The following GEMIN5 variants were observed in gnomAD, a reference collection of about 807,000 sequenced individuals.
GEMIN5 encodes the protein gem-associated protein 5.
A neutral mutation model predicts 176.9 loss-of-function variants in GEMIN5; 124 were observed. That is an observed-to-expected ratio of 0.70 (90% CI 0.61 to 0.81). The LOEUF (loss-of-function observed/expected upper bound fraction) is 0.81, where lower values mean the gene tolerates loss of function less well. GEMIN5 is among the 40% of genes least tolerant of loss of function. The pLI is 0.00. For missense variants in GEMIN5, 1,843 were observed against 1,814.6 expected, an observed-to-expected ratio of 1.02 and a Z score of -0.28; for synonymous variants, 673 against 665.2, an observed-to-expected ratio of 1.01 and a Z score of -0.18.
Position 154,935,980 on chromosome 5 carries a change from A to G in GEMIN5, c.370T>C (p.Leu124=). 6.2e-7 allele frequency: 1 copy of G among 1,612,328 alleles called. No individual in the cohort carries two copies. Among genetic ancestry groups the G allele is most frequent in the Non-Finnish European group, 8.5e-7 (1 of 1,178,702 alleles). Residue 124 remains leucine (L), a synonymous_variant, in exon 3 of 28, where the codon TTA becomes CTA. Transcript: ENST00000285873. ...CCTTTTTCATCCCCAGATACTATTA[A>G]GTCCTTTACTCGAGGAGACCAATGT... ...TLHWSPRVKD[L]IVSGDEKGVV...
intron 1 of GEMIN5, among the ~76,000 whole-genome samples, 197 bp downstream of exon 1, chr5:154,937,771 C>G (rs912733766): frequency 6.6e-6 from 1 of 152,356 alleles, no homozygotes; most frequent in South Asian, 2.1e-4. Flanking sequence ...CTCCAGGAGG[C>G]GGGACCGCTC....
rs1764288568 is a variant in GEMIN5 at position 154,937,236 on chromosome 5, T to C, written c.167-51A>G. On this transcript the variant is annotated intron_variant, in intron 1 of 27. Coordinates refer to ENST00000285873, the MANE Select transcript of GEMIN5 (RefSeq NM_015465.5). ...TAATCGAAGTGCTATCCAAGGTTCC[T>C]GGCAGAATCATACTGTTGTTGGATG... 8 of 1,471,406 alleles carry C rather than the reference T, an allele frequency of 5.4e-6. No individual in the cohort carries two copies. In the East Asian group the frequency reaches 1.4e-4, roughly 26 times the overall value. 91.1% of individuals were successfully genotyped at this position (1,471,406 alleles called of 1,614,324 possible). A position where few individuals can be genotyped will look rare whatever the true frequency, so the allele number is the denominator to read the frequency against.
rs1764286651 is a variant in GEMIN5, at chr5:154,937,161, G to C, written c.191C>G (p.Thr64Ser). The C allele has an allele frequency of 2.5e-6, 4 of 1,612,758 alleles. No individual in the cohort carries two copies. Among genetic ancestry groups the C allele is most frequent in the Admixed American group, 1.7e-5 (1 of 59,854 alleles). Residue 64 changes from threonine to serine, a missense_variant, in exon 2 of 28, where the codon ACC (threonine) becomes AGC (serine). Coordinates refer to ENST00000285873, the MANE Select transcript of GEMIN5 (RefSeq NM_015465.5). ...AAATGTGAAGCCAGAGACCCTTTCGGTGTGTCCCACCAACTCTCCTATGAC... is the reference window on the plus strand; with the variant it reads ...AAATGTGAAGCCAGAGACCCTTTCGCTGTGTCCCACCAACTCTCCTATGAC... ...FRVIGELVGH[T>S]ERVSGFTFSH...
rs1246377911 is a variant in GEMIN5 at position 154,891,135 on chromosome 5, TCCTCCTGCTTCAG to T, written c.4262+93_4262+105del. 57 of 944,896 alleles carry T rather than the reference TCCTCCTGCTTCAG, an allele frequency of 6.0e-5. No homozygotes were observed. The East Asian group carries it at 1.6e-3, about 27-fold the overall frequency. The allele number at this position is 944,896 out of a possible 1,614,324, so 58.5% of individuals were successfully genotyped here. On this transcript the variant is annotated intron_variant, in intron 26 of 27. Transcript: ENST00000285873. ...GGTGGTGAACTCCTGGGCCAAGTGA[TCCTCCTGCTTCAG>T]CCTCCCAAAGTGCTGGGATTATAGG...
rs775855688 is a variant in GEMIN5, at chr5:154,938,175, C to G, written c.-42G>C. ...AGACAAGAGAAGCTGCCACAGCCGACCGCTCGTAGCCTCACGCCTTAGGTA... is the reference window on the plus strand; with the variant it reads ...AGACAAGAGAAGCTGCCACAGCCGAGCGCTCGTAGCCTCACGCCTTAGGTA... On this transcript the variant is annotated 5_prime_UTR_variant, in exon 1 of 28. Coordinates refer to ENST00000285873, the MANE Select transcript of GEMIN5 (RefSeq NM_015465.5). The G allele has an allele frequency of 3.0e-6, 4 of 1,313,826 alleles. No individual in the cohort carries two copies. The highest frequency in any genetic ancestry group is 3.9e-6 in the Non-Finnish European group (4 of 1,021,594). The allele number at this position is 1,313,826 out of a possible 1,614,324, so 81.4% of individuals were successfully genotyped here. A position where few individuals can be genotyped will look rare whatever the true frequency, so the allele number is the denominator to read the frequency against.
Position 154,901,460 on chromosome 5 carries a change from C to A in GEMIN5, c.2893G>T (p.Val965Leu), listed in dbSNP as rs754856830. The A allele has an allele frequency of 6.2e-7, 1 of 1,614,026 alleles. No individual in the cohort carries two copies. The change falls in exon 21 of 28, where the codon GTG (valine) becomes TTG (leucine). Residue 965 changes from valine (V) to leucine (L), a missense_variant. By Grantham distance (32) the Val-to-Leu change is conservative. Coordinates refer to ENST00000285873, the MANE Select transcript of GEMIN5 (RefSeq NM_015465.5). ...AAGYHVWLWA[V>L]EAFAKQLCFQ... Reference sequence around the variant, plus strand: ...CACAGCTGTTTGGCAAAAGCTTCCACAGCCCATAGCCACACATGGTAGCCA... The same window carrying A: ...CACAGCTGTTTGGCAAAAGCTTCCAAAGCCCATAGCCACACATGGTAGCCA...
Position 154,898,445 on chromosome 5 carries a change from G to C in GEMIN5, c.3340C>G (p.Leu1114Val), listed in dbSNP as rs142217294. ...AQEALQLHESLQGQRLVFCLL... is the reference protein window; with the variant it reads ...AQEALQLHESVQGQRLVFCLL... ...AGATGAAATAACAGACTGACCTGTA[G>C]ACTTTCATGCAGCTGCAGGGCTTCC... Residue 1114 changes from leucine to valine, a missense_variant, in exon 23 of 28, where the codon CTA becomes GTA. Leu to Val is a conservative substitution (Grantham distance 32, BLOSUM62 1). Transcript: ENST00000285873. 2.4e-4 allele frequency: 384 copies of C among 1,612,468 alleles called. No homozygotes were observed. The Middle Eastern group carries it at 3.3e-3, about 14-fold the overall frequency.
In GEMIN5 at chr5:154,938,054, A is replaced by T. The variant is rs1764309143; in HGVS notation, c.80T>A (p.Leu27His). 1.9e-6 allele frequency: 3 copies of T among 1,539,940 alleles called. No homozygotes were observed. Among genetic ancestry groups the T allele is most frequent in the Non-Finnish European group, 1.7e-6 (2 of 1,147,204 alleles). The change falls in exon 1 of 28, where the codon CTC (leucine) becomes CAC (histidine). Residue 27 changes from leucine (L) to histidine (H), a missense_variant. Coordinates refer to ENST00000285873, the MANE Select transcript of GEMIN5 (RefSeq NM_015465.5). ...ARCSDAVPGGLFGFAARTSVF... is the reference protein window; with the variant it reads ...ARCSDAVPGGHFGFAARTSVF... ...GGAGGTCCGCGCGGCGAAGCCAAAG[A>T]GGCCCCCGGGCACGGCATCGCTGCA...
chr5:154,893,355 G>A (rs977022928), intron 24 of GEMIN5, among the ~76,000 whole-genome samples: 8 of 149,818 alleles, frequency 5.3e-5, no homozygotes, highest in African/African-American at 2.0e-4. Context: ...GCTTGAACCC[G>A]AGAGGCGGAG....
intron 23 of GEMIN5, among the ~76,000 whole-genome samples, chr5:154,898,142 C>G (rs1763392008): frequency 6.6e-6 from 1 of 152,192 alleles, no homozygotes; most frequent in Non-Finnish European, 1.5e-5. Context: ...CTCAAGTGAT[C>G]TGCCTGCCTC....
chr5:154,936,970 G>C lies in GEMIN5; in HGVS notation c.327+55C>G, dbSNP rs1368281289. ...CTAGCAAAACTAGCTTGCAACAGAA[G>C]AACCCTCAGCACAGATAGATAAAAA... On this transcript the variant is annotated intron_variant, in intron 2 of 27. Coordinates refer to ENST00000285873, the MANE Select transcript of GEMIN5 (RefSeq NM_015465.5). The C allele has an allele frequency of 3.6e-6, 5 of 1,403,206 alleles. No individual in the cohort carries two copies. The East Asian group carries it at 7.0e-5, about 20-fold the overall frequency. 86.9% of individuals were successfully genotyped at this position (1,403,206 alleles called of 1,614,324 possible). A position where few individuals can be genotyped will look rare whatever the true frequency, so the allele number is the denominator to read the frequency against.
Position 154,921,392 on chromosome 5 carries a change from C to T in GEMIN5, c.1413G>A (p.Lys471=). 6.7e-7 allele frequency: 1 copy of T among 1,489,146 alleles called. No individual in the cohort carries two copies. Among genetic ancestry groups the T allele is most frequent in the Non-Finnish European group, 9.2e-7 (1 of 1,083,632 alleles). 92.2% of individuals were successfully genotyped at this position (1,489,146 alleles called of 1,614,324 possible). A position where few individuals can be genotyped will look rare whatever the true frequency, so the allele number is the denominator to read the frequency against. ...GCCCCCAGGCTAAAGTATATACAGT[C>T]TTCTTATGATATGTGCTAGAAATCT... ...PPQISSTYHK[K]TVYTLAWGPP... is the part of the protein sequence containing the mutation. The change falls in exon 10 of 28, where the codon AAG becomes AAA. Residue 471 remains lysine (K), a synonymous_variant. Transcript: ENST00000285873.
rs762758188 is a variant in GEMIN5, at chr5:154,935,945, G to A, written c.405C>T (p.Phe135=). ...TGTCATTTCTGTTAAACCAGTAACA[G>A]AAAACTACTCCTTTTTCATCCCCAG... is the stretch of plus-strand genomic sequence containing the variant. ...IVSGDEKGVV[F]CYWFNRNDSQ... is the part of the protein sequence containing the mutation. Residue 135 remains phenylalanine (F), a synonymous_variant, in exon 3 of 28, where the codon TTC becomes TTT. Coordinates refer to ENST00000285873, the MANE Select transcript of GEMIN5 (RefSeq NM_015465.5). The A allele has an allele frequency of 2.5e-6, 4 of 1,611,498 alleles. No individual in the cohort carries two copies. The African/African-American group carries it at 4.0e-5, about 16-fold the overall frequency.
At chr5:154,916,221 C>T (rs920205354) in intron 13 of GEMIN5, among the ~76,000 whole-genome samples, 2 of 151,748 alleles carry the variant, frequency 1.3e-5, no homozygotes, top group African/African-American at 2.4e-5. Flanking sequence ...AAGATAGATC[C>T]TTGTGTACTG....
At chr5:154,912,087 T>C (rs1425563669) in intron 14 of GEMIN5, among the ~76,000 whole-genome samples, 189 bp from the exon 15 acceptor site, 1 of 152,248 alleles carries the variant, frequency 6.6e-6, no homozygotes, top group Non-Finnish European at 1.5e-5. Context: ...GAGAGACTTC[T>C]GTGCTTGGAG....
At position 154,888,012 on chromosome 5, in the gene GEMIN5, C is replaced by A. The variant is rs1239082441; in HGVS notation, c.*198G>T. 1.8e-6 allele frequency: 1 copy of A among 568,130 alleles called. No individual in the cohort carries two copies. The highest frequency in any genetic ancestry group is 3.1e-6 in the Non-Finnish European group (1 of 320,598). The allele number at this position is 568,130 out of a possible 1,614,324, so 35.2% of individuals were successfully genotyped here. A position where few individuals can be genotyped will look rare whatever the true frequency, so the allele number is the denominator to read the frequency against. ...TCATGATCTTCCCTCCAGTAGGAGACCACAATTGAGTCTAAAGTCAGATCC... is the reference window on the plus strand; with the variant it reads ...TCATGATCTTCCCTCCAGTAGGAGAACACAATTGAGTCTAAAGTCAGATCC... On this transcript the variant is annotated 3_prime_UTR_variant, in exon 28 of 28. Coordinates refer to ENST00000285873, the MANE Select transcript of GEMIN5 (RefSeq NM_015465.5).
chr5:154,927,235 T>C (rs953545418), intron 7 of GEMIN5, 150 bp downstream of exon 7: 2 of 510,344 alleles, frequency 3.9e-6, no homozygotes, highest in Non-Finnish European at 7.1e-6. Flanking sequence ...GAGCTATTGA[T>C]ATATTCAGTG....
In GEMIN5 at chr5:154,892,469, C is replaced by T. The variant is rs773688636; in HGVS notation, c.3678G>A (p.Ala1226=). The T allele has an allele frequency of 3.7e-6, 6 of 1,614,032 alleles. No individual in the cohort carries two copies. The highest frequency in any genetic ancestry group is 5.1e-6 in the Non-Finnish European group (6 of 1,179,994). The part of the protein sequence containing the change: ...QMASWDEAVQ[A]LLRAVVRSYD... ...AGCTCCGGACCACCGCCCGAAGGAG[C>T]GCCTGCACAGCCTCGTCCCAGGAGG... Residue 1226 remains alanine, a synonymous_variant, in exon 25 of 28, where the codon GCG becomes GCA. Transcript: ENST00000285873.
At chr5:154,893,812 C>T (rs545200174) in intron 24 of GEMIN5, among the ~76,000 whole-genome samples, 1 of 152,030 alleles carries the variant, frequency 6.6e-6, no homozygotes, top group African/African-American at 2.4e-5. Context: ...GGCACGATCT[C>T]GGCTCACTGT....
Sources: allele counts gnomAD v4.1 joint callset (sites outside exome capture counted in the v4.1 genomes callset), GRCh38; gene constraint gnomAD v4.1.1; transcripts MANE v1.5; gene names NCBI Gene and HGNC (gene_info 2026-07-23, HGNC 2026-07-21).